The following FBXL7 variants were observed in gnomAD, a reference collection of about 807,000 sequenced individuals.
FBXL7 encodes the protein F-box and leucine rich repeat protein 7.
FBXL7 carries 12 observed loss-of-function variants against 38.3 expected under a neutral mutation model. That is an observed-to-expected ratio of 0.31 (90% CI 0.20 to 0.51). The LOEUF is 0.51. Ranked by LOEUF, FBXL7 falls within the 20% of genes least tolerant of loss-of-function variation. FBXL7 has a pLI of 0.98. For synonymous variants in FBXL7, 297 were observed against 300.9 expected (o/e 0.99, Z 0.13); for missense variants, 567 against 676.4 (o/e 0.84, Z 1.79).
chr5:15,626,048 C>G (rs1235264239), intron 2 of FBXL7, among the ~76,000 whole-genome samples: 1 of 152,074 alleles, frequency 6.6e-6, no homozygotes, highest in Non-Finnish European at 1.5e-5. Flanking sequence ...AAGGTGATGA[C>G]TGATTATTAT....
chr5:15,709,575 C>A (rs1207580666), intron 2 of FBXL7, among the ~76,000 whole-genome samples: 1 of 149,604 alleles, frequency 6.7e-6, no homozygotes, highest in African/African-American at 2.5e-5. Flanking sequence ...TGTTTGCCCA[C>A]CTTCAAATAC....
At chr5:15,827,147 T>C (rs563873482) in intron 2 of FBXL7, among the ~76,000 whole-genome samples, 5 of 152,276 alleles carry the variant, frequency 3.3e-5, no homozygotes, top group Admixed American at 3.3e-4. Context: ...ATCACCCTGC[T>C]CTGCTCTGCC....
At chr5:15,932,403 C>G (rs942202992) in intron 3 of FBXL7, among the ~76,000 whole-genome samples, 1 of 152,154 alleles carries the variant, frequency 6.6e-6, no homozygotes, top group African/African-American at 2.4e-5. Context: ...AGATATCACC[C>G]TAATAATGAG....
At chr5:15,833,547 T>C (rs1436586404) in intron 2 of FBXL7, among the ~76,000 whole-genome samples, 3 of 152,224 alleles carry the variant, frequency 2.0e-5, no homozygotes, top group Admixed American at 6.5e-5. Flanking sequence ...TCCAGTATCT[T>C]CCCTGATGAT....
chr5:15,549,171 T>G (rs1375800743), intron 1 of FBXL7, among the ~76,000 whole-genome samples: 1 of 152,202 alleles, frequency 6.6e-6, no homozygotes, highest in Non-Finnish European at 1.5e-5. Flanking sequence ...TTAATTTCCT[T>G]TCACATCACT....
chr5:15,843,945 T>C (rs1332722396), intron 2 of FBXL7, among the ~76,000 whole-genome samples: 1 of 151,628 alleles, frequency 6.6e-6, no homozygotes, highest in African/African-American at 2.4e-5. Context: ...TATATATGTA[T>C]AGTTTCTAAA....
chr5:15,614,270 TTTTC>T (rs144198281), intron 1 of FBXL7, among the ~76,000 whole-genome samples: 53 of 146,396 alleles, frequency 3.6e-4, no homozygotes, highest in African/African-American at 8.8e-4. Flanking sequence ...TTTTCTTTTC[TTTTC>T]TTTTTTTTTT....
intron 2 of FBXL7, among the ~76,000 whole-genome samples, chr5:15,817,914 T>C (rs1200177322): frequency 2.0e-5 from 3 of 152,202 alleles, no homozygotes; most frequent in African/African-American, 7.2e-5. Context: ...CAGATGTTTG[T>C]GCTTTCCTTA....
At chr5:15,802,272 G>A (rs1286837957) in intron 2 of FBXL7, among the ~76,000 whole-genome samples, 2 of 152,140 alleles carry the variant, frequency 1.3e-5, no homozygotes, top group Admixed American at 6.5e-5. Flanking sequence ...TGTGACCTTT[G>A]AGAAGCATGA....
intron 2 of FBXL7, among the ~76,000 whole-genome samples, chr5:15,813,215 T>C (rs1214838586): frequency 6.6e-6 from 1 of 152,074 alleles, no homozygotes; most frequent in Non-Finnish European, 1.5e-5. Flanking sequence ...GTTGTACTGG[T>C]ACCAAAACAG....
intron 2 of FBXL7, among the ~76,000 whole-genome samples, chr5:15,827,824 A>C (rs1443610339): frequency 6.6e-6 from 1 of 152,138 alleles, no homozygotes; most frequent in African/African-American, 2.4e-5. Context: ...ATCTTGGAAG[A>C]CTCACCCAGA....
intron 2 of FBXL7, among the ~76,000 whole-genome samples, chr5:15,630,153 G>T (rs1488265432): frequency 6.6e-6 from 1 of 152,140 alleles, no homozygotes. Context: ...TAAATAACCA[G>T]TTCCTCTCAG....
At chr5:15,551,266 G>GA (rs1233197586) in intron 1 of FBXL7, among the ~76,000 whole-genome samples, 3 of 152,156 alleles carry the variant, frequency 2.0e-5, no homozygotes, top group Non-Finnish European at 2.9e-5. Context: ...ACTTGACCCG[G>GA]AGCATCTACG....
At chr5:15,722,784 G>A (rs544072535) in intron 2 of FBXL7, among the ~76,000 whole-genome samples, 15 of 152,008 alleles carry the variant, frequency 9.9e-5, no homozygotes, top group Non-Finnish European at 1.8e-4. Flanking sequence ...TTAGCCCAGC[G>A]TGGTGGTGCA....
At chr5:15,512,146 T>G (rs1736811862) in intron 1 of FBXL7, among the ~76,000 whole-genome samples, 1 of 152,216 alleles carries the variant, frequency 6.6e-6, no homozygotes, top group South Asian at 2.1e-4. Flanking sequence ...CCTTTGTTGT[T>G]GAATAACTGC....
intron 1 of FBXL7, among the ~76,000 whole-genome samples, chr5:15,514,911 A>G (rs1736895169): frequency 6.6e-6 from 1 of 152,174 alleles, no homozygotes; most frequent in Admixed American, 6.5e-5. Flanking sequence ...TTGGGTCCAG[A>G]GCGCCCCATG....
intron 1 of FBXL7, among the ~76,000 whole-genome samples, chr5:15,586,007 C>G (rs1239947606): frequency 6.6e-6 from 1 of 152,164 alleles, no homozygotes; most frequent in Non-Finnish European, 1.5e-5. Flanking sequence ...AGGCCTGGAG[C>G]CAGTCTCCTT....
chr5:15,657,929 C>T (rs1741934658), intron 2 of FBXL7, among the ~76,000 whole-genome samples: 1 of 152,048 alleles, frequency 6.6e-6, no homozygotes, highest in South Asian at 2.1e-4. Context: ...GAGAATTCTC[C>T]ACTTTATAAA....
chr5:15,637,393 A>G (rs1741221744), intron 2 of FBXL7, among the ~76,000 whole-genome samples: 1 of 152,246 alleles, frequency 6.6e-6, no homozygotes. Flanking sequence ...ATGAAAAAGC[A>G]GAAAACCATA....
Sources: allele counts gnomAD v4.1 joint callset (sites outside exome capture counted in the v4.1 genomes callset), GRCh38; gene constraint gnomAD v4.1.1; transcripts MANE v1.5; gene names NCBI Gene and HGNC (gene_info 2026-07-23, HGNC 2026-07-21).